Variants in PCDH15 observed in about 807,000 individuals in gnomAD.
PCDH15 encodes the protein protocadherin related 15, also known as protocadherin-15.
A neutral mutation model predicts 178.5 loss-of-function variants in PCDH15; 129 were observed. The observed-to-expected ratio is 0.72, with a 90% CI of 0.63 to 0.84. PCDH15 has a LOEUF of 0.84. Ranked by LOEUF, PCDH15 falls within the 40% of genes least tolerant of loss-of-function variation. PCDH15 has a pLI of 0.00. For missense variants in PCDH15, 2,230 were observed against 2,099.9 expected, an observed-to-expected ratio of 1.06 and a Z score of -1.21; for synonymous variants, 800 against 732.0, an observed-to-expected ratio of 1.09 and a Z score of -1.50.
chr10:55,201,338 A>G (rs1477765816), intron 1 of PCDH15, among the ~76,000 whole-genome samples: 2 of 152,118 alleles, frequency 1.3e-5, no homozygotes, highest in African/African-American at 4.8e-5. Flanking sequence ...TGCAAGAACC[A>G]GCCTTACTCC....
intron 1 of PCDH15, among the ~76,000 whole-genome samples, chr10:54,675,016 A>G (rs1434252278): frequency 6.6e-6 from 1 of 152,108 alleles, no homozygotes; most frequent in African/African-American, 2.4e-5. Flanking sequence ...ACCTAATTTT[A>G]TAGTGTATCC....
chr10:55,125,380 T>A (rs913388918), intron 2 of PCDH15, among the ~76,000 whole-genome samples: 4 of 151,924 alleles, frequency 2.6e-5, no homozygotes, highest in Non-Finnish European at 4.4e-5. Context: ...CAGGGTGACG[T>A]CTCCTTCTCT....
At chr10:55,376,919 T>C (rs1837406049) in intron 2 of PCDH15, among the ~76,000 whole-genome samples, 1 of 152,018 alleles carries the variant, frequency 6.6e-6, no homozygotes. Context: ...TAGGCAAGAA[T>C]GTTAAATATT....
chr10:54,056,072 CT>C (rs2093879495), intron 18 of PCDH15, among the ~76,000 whole-genome samples: 1 of 152,168 alleles, frequency 6.6e-6, no homozygotes, highest in African/African-American at 2.4e-5. Flanking sequence ...AAATAAGATT[CT>C]GAGAGGCACA....
chr10:54,047,087 CTAGA>C (rs2093671474), intron 18 of PCDH15, among the ~76,000 whole-genome samples: 1 of 151,996 alleles, frequency 6.6e-6, no homozygotes. Flanking sequence ...AAATATATAG[CTAGA>C]TAGATGTAGC....
At chr10:54,202,490 T>G (rs116814746) in intron 10 of PCDH15, among the ~76,000 whole-genome samples, 3 of 152,032 alleles carry the variant, frequency 2.0e-5, no homozygotes, top group Non-Finnish European at 4.4e-5. Flanking sequence ...CTGATGTACC[T>G]AAGAATAGAA....
At chr10:53,912,278 G>A (rs2053768279) in intron 25 of PCDH15, among the ~76,000 whole-genome samples, 1 of 152,096 alleles carries the variant, frequency 6.6e-6, no homozygotes, top group Non-Finnish European at 1.5e-5. Flanking sequence ...AATAAACTAG[G>A]TATTGATGGA....
chr10:55,001,685 G>T (rs779161249), intron 2 of PCDH15, among the ~76,000 whole-genome samples: 6 of 152,102 alleles, frequency 3.9e-5, no homozygotes, highest in Non-Finnish European at 8.8e-5. Context: ...ATCCCTGCCT[G>T]GCTCACCCTT....
intron 3 of PCDH15, among the ~76,000 whole-genome samples, chr10:54,489,924 T>C (rs2079430625): frequency 1.3e-5 from 2 of 152,166 alleles, no homozygotes; most frequent in Non-Finnish European, 2.9e-5. Context: ...TATCCACAAG[T>C]GCACCTAGGT....
At chr10:55,583,423 CTTATTTAT>C (rs566772115) in intron 2 of PCDH15, among the ~76,000 whole-genome samples, 13 of 151,970 alleles carry the variant, frequency 8.6e-5, no homozygotes, top group East Asian at 1.9e-4. Flanking sequence ...TTAACACTAT[CTTATTTAT>C]TTATTTATTT....
intron 3 of PCDH15, among the ~76,000 whole-genome samples, chr10:54,860,402 A>G (rs1329834845): frequency 2.6e-5 from 4 of 152,080 alleles, no homozygotes; most frequent in Admixed American, 2.0e-4. Context: ...GACATGAAGT[A>G]TTTATTTTCT....
chr10:55,605,449 A>G (rs1843193865), intron 2 of PCDH15, among the ~76,000 whole-genome samples: 5 of 150,972 alleles, frequency 3.3e-5, no homozygotes, highest in Admixed American at 1.3e-4. Context: ...ACCAAAAAAG[A>G]CAATTTTAGA....
At chr10:54,649,000 T>C (rs970048959) in intron 2 of PCDH15, among the ~76,000 whole-genome samples, 2 of 152,162 alleles carry the variant, frequency 1.3e-5, no homozygotes, top group African/African-American at 4.8e-5. Flanking sequence ...AAGAAACATA[T>C]TAAATGCAAA....
intron 2 of PCDH15, among the ~76,000 whole-genome samples, chr10:54,570,373 A>G (rs1319683552): frequency 6.6e-6 from 1 of 152,158 alleles, no homozygotes; most frequent in Non-Finnish European, 1.5e-5. Flanking sequence ...AAACCTGAAT[A>G]TATTATAATA....
At chr10:55,497,421 C>T (rs1030765587) in intron 2 of PCDH15, among the ~76,000 whole-genome samples, 1 of 151,722 alleles carries the variant, frequency 6.6e-6, no homozygotes, top group African/African-American at 2.4e-5. Flanking sequence ...TCAGCCACCG[C>T]GTCTGGCTGA....
Position 53,828,574 on chromosome 10 carries a change from C to CTGTT in PCDH15, c.4203-5_4203-2dup, listed in dbSNP as rs2076842002. On this transcript the variant is annotated splice_acceptor_variant, in intron 30 of 37. Coordinates refer to ENST00000644397, the MANE Select transcript of PCDH15 (RefSeq NM_001384140.1). LOFTEE classifies it high-confidence loss of function. ...TGTTAATTATACTTACACTTTAAAC[C>CTGTT]TGTTTGGGAAAGCAAGAGTAAGAAA... 5.2e-6 allele frequency: 8 copies of CTGTT among 1,553,384 alleles called. No homozygotes were observed. Among genetic ancestry groups the CTGTT allele is most frequent in the Non-Finnish European group, 6.2e-6 (7 of 1,125,644 alleles).
At position 53,916,642 on chromosome 10, in the gene PCDH15, G is replaced by A. The variant is rs577084741; in HGVS notation, c.3374-13272C>T. On this transcript the variant is annotated intron_variant, in intron 25 of 37. Transcript: ENST00000644397. ...TATAATGATCAACAAAACTGTAGTA[G>A]TTGTAATCTGGGCAATAAAACTTTA... Among the ~76,000 whole-genome samples the A allele has an allele frequency of 3.3e-5, 5 of 152,288 alleles. No individual in the cohort carries two copies. The South Asian group carries it at 1.0e-3, about 32-fold the overall frequency.
intron 2 of PCDH15, among the ~76,000 whole-genome samples, chr10:55,612,184 C>T (rs1475005862): frequency 6.6e-6 from 1 of 152,002 alleles, no homozygotes; most frequent in East Asian, 1.9e-4. Context: ...TAAGTGTTCT[C>T]ACCATAAAGT....
At chr10:54,959,509 G>T (rs1455888025) in intron 2 of PCDH15, among the ~76,000 whole-genome samples, 2 of 151,956 alleles carry the variant, frequency 1.3e-5, no homozygotes, top group Non-Finnish European at 2.9e-5. Context: ...AAAGCTACTT[G>T]CTAAGATCCA....
Sources: gnomAD v4.1 joint callset for allele counts (sites outside exome capture counted in the v4.1 genomes callset) on GRCh38, gnomAD v4.1.1 for gene constraint, MANE v1.5 for transcripts, NCBI Gene and HGNC (gene_info 2026-07-23, HGNC 2026-07-21) for gene names.